The following NPTXR variants were observed in gnomAD, a reference collection of about 807,000 sequenced individuals.
NPTXR encodes the protein neuronal pentraxin receptor.
A neutral mutation model predicts 32.2 loss-of-function variants in NPTXR; 12 were observed. The ratio of observed to expected loss-of-function variants is 0.37; its 90% CI spans 0.24 to 0.60. The LOEUF (loss-of-function observed/expected upper bound fraction) is 0.60. Among genes scored for constraint, NPTXR ranks in the 20% least tolerant of loss-of-function variants. The pLI, the probability that NPTXR is intolerant of heterozygous loss-of-function variation, is 0.66. For missense variants in NPTXR, 612 were observed against 682.9 expected, an observed-to-expected ratio of 0.90 and a Z score of 1.16; for synonymous variants, 323 against 315.8, an observed-to-expected ratio of 1.02 and a Z score of -0.24.
At position 38,822,748 on chromosome 22, in the gene NPTXR, G is replaced by T. The variant is rs1382533717; in HGVS notation, c.1364C>A (p.Pro455Gln). ...GTTGGCAATGCCCAGGACCTGGGCT[G>T]GTGTCAGGGCGTGGTCCCACAGGTT... Residue 455 changes from proline (P) to glutamine (Q), a missense_variant, in exon 5 of 5, where the codon CCA (proline) becomes CAA (glutamine). Physicochemically the swap from Pro to Gln is moderately conservative, Grantham distance 76. Transcript: ENST00000333039. 2.5e-6 allele frequency: 4 copies of T among 1,614,172 alleles called. No individual in the cohort carries two copies. Among genetic ancestry groups the T allele is most frequent in the Non-Finnish European group, 3.4e-6 (4 of 1,180,000 alleles).
At position 38,826,545 on chromosome 22, in the gene NPTXR, C is replaced by T. The variant is rs1248027873; in HGVS notation, c.1053G>A (p.Leu351=). Reference sequence around the variant, plus strand: ...CCATGGGCTCATGGCCCGCCTCTAGCAGTACAATCTCGTTGGCCTGCCCGG... The same window carrying T: ...CCATGGGCTCATGGCCCGCCTCTAGTAGTACAATCTCGTTGGCCTGCCCGG... The change falls in exon 3 of 5, where the codon CTG becomes CTA. Residue 351 remains leucine, a synonymous_variant. Transcript: ENST00000333039. The T allele has an allele frequency of 1.2e-6, 2 of 1,613,900 alleles. No individual in the cohort carries two copies. Among genetic ancestry groups the T allele is most frequent in the South Asian group, 2.2e-5 (2 of 91,066 alleles).
intron 1 of NPTXR, among the ~76,000 whole-genome samples, chr22:38,835,421 T>C (rs1031135262): frequency 1.3e-5 from 2 of 152,096 alleles, no homozygotes; most frequent in South Asian, 2.1e-4. Context: ...AAAGGACAGG[T>C]TGGTTTTGAT....
In NPTXR at chr22:38,834,232, G is replaced by T. The variant is rs979113558; in HGVS notation, c.625-5720C>A. Reference sequence around the variant, plus strand: ...CTTCCACTCCCACCCTCCACACAGCGGCCAGAGGCAAATCCAGCCATGTTG... The same window carrying T: ...CTTCCACTCCCACCCTCCACACAGCTGCCAGAGGCAAATCCAGCCATGTTG... On this transcript the variant is annotated intron_variant, in intron 1 of 4. Transcript: ENST00000333039. This position sits in a 1 kb window ranked among gnomAD's most constrained non-coding sequence, Gnocchi z 4.4. 6.6e-6 allele frequency among the ~76,000 whole-genome samples: 1 copy of T among 151,916 alleles called. No homozygotes were observed. Among genetic ancestry groups the T allele is most frequent in the Non-Finnish European group, 1.5e-5 (1 of 67,988 alleles).
Position 38,843,690 on chromosome 22 carries a change from G to T in NPTXR, c.169C>A (p.Arg57=). The T allele has an allele frequency of 3.0e-6, 3 of 1,002,846 alleles. No individual in the cohort carries two copies. Among genetic ancestry groups the T allele is most frequent in the Non-Finnish European group, 3.6e-6 (3 of 843,438 alleles). The allele number at this position is 1,002,846 out of a possible 1,614,324, so 62.1% of individuals were successfully genotyped here. Reference sequence around the variant, plus strand: ...GCGCCGTGCAGCGCGCTCAGGCTCCGCTGCGGGCCCGGGGACGCGGCGGCG... The same window carrying T: ...GCGCCGTGCAGCGCGCTCAGGCTCCTCTGCGGGCCCGGGGACGCGGCGGCG... The change falls in exon 1 of 5, where the codon CGG becomes AGG. Residue 57 remains arginine, a synonymous_variant. Transcript: ENST00000333039. The surrounding 1 kb of genome is among the most constrained non-coding windows in gnomAD (Gnocchi z 5.3).
chr22:38,833,655 A>T (rs1379301573), intron 1 of NPTXR, among the ~76,000 whole-genome samples: 5 of 138,056 alleles, frequency 3.6e-5, no homozygotes, highest in Admixed American at 7.3e-5. Flanking sequence ...GTGACTAACA[A>T]TTTTTTTTTT....
intron 1 of NPTXR, 100 bp from the exon 2 acceptor site, chr22:38,828,612 C>T (rs572821338): frequency 1.6e-5 from 14 of 879,838 alleles, no homozygotes; most frequent in Non-Finnish European, 2.2e-5. Context: ...CCCAGGGGAG[C>T]CTCAGCTTCC....
In NPTXR at chr22:38,822,181, C is replaced by T. The variant is rs1392189133; in HGVS notation, c.*428G>A. 6 of 208,254 alleles carry T rather than the reference C, an allele frequency of 2.9e-5. No homozygotes were observed. The highest frequency in any genetic ancestry group is 1.4e-4 in the African/African-American group (6 of 44,320). 12.9% of individuals were successfully genotyped at this position (208,254 alleles called of 1,614,324 possible). ...CATCCCCTTCTACAGCCTGTTGTGG[C>T]CCTGAAGGGGAAGCCACTGGGCCTG... On this transcript the variant is annotated 3_prime_UTR_variant, in exon 5 of 5. Transcript: ENST00000333039.
chr22:38,824,782 C>T (rs1297714699), intron 3 of NPTXR, among the ~76,000 whole-genome samples: 4 of 152,154 alleles, frequency 2.6e-5, no homozygotes, highest in East Asian at 1.9e-4. Context: ...GGGCACAAGG[C>T]AGCAGGATCT....
chr22:38,837,258 G>A (rs1235585434), intron 1 of NPTXR, among the ~76,000 whole-genome samples: 3 of 152,218 alleles, frequency 2.0e-5, no homozygotes, highest in African/African-American at 7.2e-5. Context: ...CCAGGAACAT[G>A]TTCCACACTG....
Position 38,821,987 on chromosome 22 carries a change from C to T in NPTXR, c.*622G>A. On this transcript the variant is annotated 3_prime_UTR_variant, in exon 5 of 5. Transcript: ENST00000333039. ...TCCTGGAGACTGAGGTGGGGCTGGG[C>T]CAGGCATGGAACCAACATTCAAACC... The T allele has an allele frequency of 6.8e-6, 1 of 147,274 alleles. No individual in the cohort carries two copies. The allele number at this position is 147,274 out of a possible 1,614,324, so 9.1% of individuals were successfully genotyped here.
In NPTXR at chr22:38,826,558, T is replaced by C. The variant is rs1396204676; in HGVS notation, c.1040A>G (p.Asn347Ser). The C allele has an allele frequency of 1.2e-6, 2 of 1,614,188 alleles. No individual in the cohort carries two copies. Among genetic ancestry groups the C allele is most frequent in the Admixed American group, 1.7e-5 (1 of 60,030 alleles). Reference sequence around the variant, plus strand: ...GCCCGCCTCTAGCAGTACAATCTCGTTGGCCTGCCCGGGCACTGAGTAGGA... The same window carrying C: ...GCCCGCCTCTAGCAGTACAATCTCGCTGGCCTGCCCGGGCACTGAGTAGGA... Residue 347 changes from asparagine (N) to serine (S), a missense_variant, in exon 3 of 5, where the codon AAC becomes AGC. Coordinates refer to ENST00000333039, the MANE Select transcript of NPTXR (RefSeq NM_014293.4).
rs1480503747 is a variant in NPTXR at position 38,843,913 on chromosome 22, C to T, written c.-55G>A. On this transcript the variant is annotated 5_prime_UTR_variant, in exon 1 of 5. Coordinates refer to ENST00000333039, the MANE Select transcript of NPTXR (RefSeq NM_014293.4). The surrounding 1 kb of genome is among the most constrained non-coding windows in gnomAD (Gnocchi z 5.3). The stretch of plus-strand genomic sequence containing the variant: ...CCCCCGGCAGGCGCGGCGGCGGGGT[C>T]GGGGCGCGGAGCCCGGGCGCGCTGG... 11 of 953,430 alleles carry T rather than the reference C, an allele frequency of 1.2e-5. No homozygotes were observed. The highest frequency in any genetic ancestry group is 1.2e-5 in the Non-Finnish European group (10 of 803,910). The allele number at this position is 953,430 out of a possible 1,614,324, so 59.1% of individuals were successfully genotyped here. A position where few individuals can be genotyped will look rare whatever the true frequency, so the allele number is the denominator to read the frequency against.
At position 38,822,667 on chromosome 22, in the gene NPTXR, G is replaced by T; in HGVS notation, c.1445C>A (p.Ala482Asp). Residue 482 changes from alanine (A) to aspartate (D), a missense_variant, in exon 5 of 5, where the codon GCC becomes GAC. Coordinates refer to ENST00000333039, the MANE Select transcript of NPTXR (RefSeq NM_014293.4). Reference sequence around the variant, plus strand: ...GGCAGCCTTTGTTGCACCCCCAAAGGCCTCCACCAACTTGTCTTCCCAGGG... The same window carrying T: ...GGCAGCCTTTGTTGCACCCCCAAAGTCCTCCACCAACTTGTCTTCCCAGGG... The T allele has an allele frequency of 1.2e-6, 2 of 1,614,066 alleles. No individual in the cohort carries two copies. The highest frequency in any genetic ancestry group is 1.7e-6 in the Non-Finnish European group (2 of 1,179,982).
chr22:38,823,344 G>A (rs2093101332), intron 3 of NPTXR, 82 bp from the exon 4 acceptor site: 2 of 1,328,134 alleles, frequency 1.5e-6, no homozygotes, highest in African/African-American at 2.9e-5. Flanking sequence ...TGGGGCTGGG[G>A]AGACCCATGT....
At chr22:38,838,510 CT>C (rs959106603) in intron 1 of NPTXR, among the ~76,000 whole-genome samples, 6 of 151,742 alleles carry the variant, frequency 4.0e-5, no homozygotes, top group African/African-American at 1.5e-4. Context: ...CCCTCTCACT[CT>C]GGGCTCCGAG....
At chr22:38,824,287 C>G (rs186476878) in intron 3 of NPTXR, among the ~76,000 whole-genome samples, 15 of 152,198 alleles carry the variant, frequency 9.9e-5, no homozygotes, top group Admixed American at 8.5e-4. Context: ...GCCACCTTAC[C>G]CAGCCTGAGA....
At chr22:38,826,390 A>G (rs1469095581) in intron 3 of NPTXR, 110 bp downstream of exon 3, 2 of 1,315,932 alleles carry the variant, frequency 1.5e-6, no homozygotes, top group East Asian at 4.6e-5. Flanking sequence ...ATGTGTGCTG[A>G]ATATGCAGAG....
chr22:38,822,513 G>C lies in NPTXR; in HGVS notation c.*96C>G, dbSNP rs2093099305. On this transcript the variant is annotated 3_prime_UTR_variant, in exon 5 of 5. Coordinates refer to ENST00000333039, the MANE Select transcript of NPTXR (RefSeq NM_014293.4). ...GGCACAGCCAGGAGTGGGGCAGGAG[G>C]GAAGGCCAGTGCGTGGGCAGGCTGA... The C allele has an allele frequency of 3.8e-6, 4 of 1,058,342 alleles. No individual in the cohort carries two copies. The highest frequency in any genetic ancestry group is 5.6e-6 in the Non-Finnish European group (4 of 712,932). 65.6% of individuals were successfully genotyped at this position (1,058,342 alleles called of 1,614,324 possible).
At chr22:38,839,005 G>A (rs2093128450) in intron 1 of NPTXR, among the ~76,000 whole-genome samples, 1 of 152,188 alleles carries the variant, frequency 6.6e-6, no homozygotes, top group African/African-American at 2.4e-5. Context: ...CTTGGGGCCA[G>A]TTCCTTAACC....
Sources: allele counts gnomAD v4.1 joint callset (sites outside exome capture counted in the v4.1 genomes callset), GRCh38; gene constraint gnomAD v4.1.1; non-coding constraint Gnocchi (gnomAD v3.1); transcripts MANE v1.5; gene names NCBI Gene and HGNC (gene_info 2026-07-23, HGNC 2026-07-21).